RABEP1: variants seen among roughly 807,000 people sequenced by gnomAD.
RABEP1 encodes rabaptin, RAB GTPase binding effector protein 1, also known as rab GTPase-binding effector protein 1.
A neutral mutation model predicts 123.4 loss-of-function variants in RABEP1; 51 were observed. The ratio of observed to expected loss-of-function variants is 0.41; its 90% confidence interval spans 0.33 to 0.52. The LOEUF is 0.52. RABEP1 is among the 20% of genes least tolerant of loss of function. The probability of loss-of-function intolerance (pLI) is 0.16; values close to 1 mark genes in which losing one functional copy is unlikely to be tolerated. For missense variants in RABEP1, 888 were observed against 996.3 expected (o/e 0.89, Z 1.46); for synonymous variants, 347 against 355.2 (o/e 0.98, Z 0.26).
chr17:5,360,221 C>T (rs142035271), intron 8 of RABEP1, among the ~76,000 whole-genome samples: 203 of 152,306 alleles, frequency 1.3e-3, no homozygotes, highest in African/African-American at 4.7e-3. Context: ...CATCTGCTTT[C>T]GCATAGTATA....
In RABEP1 at chr17:5,335,238, CA is replaced by C; in HGVS notation, c.423del (p.Gln142SerfsTer13). 1 of 1,613,606 alleles carries C rather than the reference CA, an allele frequency of 6.2e-7. No homozygotes were observed. The highest frequency in any genetic ancestry group is 8.5e-7 in the Non-Finnish European group (1 of 1,179,828). ...QFHLRLEQERTQWAQYRESAE... is the reference protein window; with the variant it reads ...QFHLRLEQERXQWAQYRESAE... ...CACCTTAGGCTGGAGCAGGAGCGAA[CA>C]CAGTGGGCACAGTATAGAGAATCCG... On this transcript the variant is annotated frameshift_variant, in exon 4 of 18. Coordinates refer to ENST00000537505, the MANE Select transcript of RABEP1 (RefSeq NM_004703.6). LOFTEE classifies it high-confidence loss of function.
Position 5,361,413 on chromosome 17 carries a change from T to C in RABEP1, c.1301T>C (p.Leu434Pro). The C allele has an allele frequency of 6.2e-7, 1 of 1,614,248 alleles. No homozygotes were observed. The highest frequency in any genetic ancestry group is 8.5e-7 in the Non-Finnish European group (1 of 1,180,036). Residue 434 changes from leucine to proline, a missense_variant, in exon 9 of 18, where the codon CTG (leucine) becomes CCG (proline). Transcript: ENST00000537505. The part of the protein sequence containing the change: ...YNYKAKSAGN[L>P]DESDFGPLVG... ...TACAAAGCAAAATCTGCTGGAAACC[T>C]GGACGAGTCAGATTTTGGACCACTG...
intron 13 of RABEP1, among the ~76,000 whole-genome samples, chr17:5,374,191 C>T (rs1910785673): frequency 3.3e-5 from 5 of 149,888 alleles, no homozygotes; most frequent in African/African-American, 1.0e-4. Flanking sequence ...CTCAGCCTCC[C>T]CAGTAGCTGG....
intron 13 of RABEP1, among the ~76,000 whole-genome samples, chr17:5,374,210 G>A (rs1437580283): frequency 6.7e-6 from 1 of 150,144 alleles, no homozygotes; most frequent in Non-Finnish European, 1.5e-5. Context: ...GGGATTACAA[G>A]CGCCTGCCAC....
intron 5 of RABEP1, among the ~76,000 whole-genome samples, chr17:5,341,946 CCATTAAT>C (rs1907652362): frequency 6.6e-6 from 1 of 152,204 alleles, no homozygotes. Flanking sequence ...AGCAGCCTTA[CCATTAAT>C]GGTGGGAACA....
intron 14 of RABEP1, 24 bp downstream of exon 14, chr17:5,377,329 T>G: frequency 6.4e-7 from 1 of 1,550,624 alleles, no homozygotes; most frequent in Non-Finnish European, 8.7e-7. Context: ...TGATGTAGTT[T>G]AGAATTAGAG....
intron 1 of RABEP1, among the ~76,000 whole-genome samples, chr17:5,307,846 A>G (rs2075194731): frequency 1.3e-5 from 2 of 152,252 alleles, no homozygotes; most frequent in South Asian, 2.1e-4. Context: ...TTGAGAGTTT[A>G]TATAGAATGT....
chr17:5,288,656 A>T (rs756218631), intron 1 of RABEP1, among the ~76,000 whole-genome samples: 1 of 152,116 alleles, frequency 6.6e-6, no homozygotes, highest in African/African-American at 2.4e-5. Context: ...TGGCCTCCCA[A>T]AGTGCTGGGA....
At chr17:5,311,008 C>T (rs981101655) in intron 2 of RABEP1, among the ~76,000 whole-genome samples, 1 of 152,006 alleles carries the variant, frequency 6.6e-6, no homozygotes, top group African/African-American at 2.4e-5. Flanking sequence ...CGGGGTCTCA[C>T]CATGTTGGCC....
At chr17:5,376,416 C>G (rs1041993001) in intron 13 of RABEP1, among the ~76,000 whole-genome samples, 1 of 152,134 alleles carries the variant, frequency 6.6e-6, no homozygotes, top group Non-Finnish European at 1.5e-5. Flanking sequence ...AGCAATAAAT[C>G]TTAGGAAATT....
At chr17:5,350,758 T>G in intron 7 of RABEP1, 129 bp downstream of exon 7, 1 of 997,376 alleles carries the variant, frequency 1.0e-6, no homozygotes, top group Non-Finnish European at 1.5e-6. Flanking sequence ...TATGTGCCAC[T>G]TTTAAAAACA....
rs372362667 is a variant in RABEP1, at chr17:5,354,382, C to T, written c.987C>T (p.Leu329=). ...KDQEDDEQQR[L]NKRKDHKKAD... ...AGGAGGATGATGAACAACAAAGACT[C>T]AATAAGAGAAAGGATCACAAAAAAG... The change falls in exon 8 of 18, where the codon CTC becomes CTT. Residue 329 remains leucine, a synonymous_variant. Transcript: ENST00000537505. 1.2e-6 allele frequency: 2 copies of T among 1,611,854 alleles called. No homozygotes were observed. The highest frequency in any genetic ancestry group is 1.7e-6 in the Non-Finnish European group (2 of 1,179,136).
intron 1 of RABEP1, among the ~76,000 whole-genome samples, chr17:5,305,580 G>GTGCAGTCACCCACTGCACTCCAGCCT (rs2075172711): frequency 6.6e-6 from 1 of 152,110 alleles, no homozygotes; most frequent in Non-Finnish European, 1.5e-5. Flanking sequence ...AGGGATAGGA[G>GTGCAGTCACCCACTGCACTCCAGCCT]GGGATACATC....
Position 5,299,551 on chromosome 17 carries a change from C to G in RABEP1, c.35-9143C>G, listed in dbSNP as rs150431244. ...CCCTAGGGCCACTGAAGTGTGTTTT[C>G]AGTTAGTTTTGTTTGCCCTTATATT... On this transcript the variant is annotated intron_variant, in intron 1 of 17. Transcript: ENST00000537505. Among the ~76,000 whole-genome samples, 321 of 150,154 alleles carry G rather than the reference C, an allele frequency of 2.1e-3. 1 individual carries two copies. Among genetic ancestry groups the G allele is most frequent in the African/African-American group, 7.7e-3 (313 of 40,898 alleles).
At chr17:5,362,888 A>G in intron 9 of RABEP1, 24 bp from the exon 10 acceptor site, 1 of 1,493,376 alleles carries the variant, frequency 6.7e-7, no homozygotes. Flanking sequence ...TTGCCTGATA[A>G]GAGGTAATTT....
chr17:5,357,869 T>A (rs1909166007), intron 8 of RABEP1, among the ~76,000 whole-genome samples: 1 of 152,146 alleles, frequency 6.6e-6, no homozygotes, highest in Non-Finnish European at 1.5e-5. Context: ...ATAGCTATTA[T>A]TGTGGTTTCT....
At chr17:5,309,139 C>T (rs758535146) in intron 2 of RABEP1, among the ~76,000 whole-genome samples, 2 of 152,302 alleles carry the variant, frequency 1.3e-5, no homozygotes, top group Non-Finnish European at 2.9e-5. Flanking sequence ...ATTCTAATAA[C>T]AGCTTTAGCT....
intron 7 of RABEP1, among the ~76,000 whole-genome samples, chr17:5,352,799 C>G (rs576955837): frequency 2.7e-4 from 41 of 152,178 alleles, no homozygotes; most frequent in African/African-American, 9.4e-4. Flanking sequence ...TCACTGCACT[C>G]CAGCCTGGGT....
chr17:5,371,654 G>T (rs35218963), intron 12 of RABEP1: 3 of 152,200 alleles, frequency 2.0e-5, no homozygotes, highest in Admixed American at 2.0e-4. Flanking sequence ...GCCTGTCTTA[G>T]GCCTGTTTGT....
Sources: gnomAD v4.1 joint callset for allele counts (sites outside exome capture counted in the v4.1 genomes callset) on GRCh38, gnomAD v4.1.1 for gene constraint, MANE v1.5 for transcripts, NCBI Gene and HGNC (gene_info 2026-07-23, HGNC 2026-07-21) for gene names.